The following KIF13B variants were observed in gnomAD, a reference collection of about 807,000 sequenced individuals.
KIF13B encodes the protein kinesin family member 13B.
In KIF13B, 127 loss-of-function variants were observed where a neutral mutation model predicts 222.0. That is an observed-to-expected ratio of 0.57 (90% CI 0.50 to 0.66). KIF13B has a LOEUF of 0.66. Ranked by LOEUF, KIF13B falls within the 30% of genes least tolerant of loss-of-function variation. KIF13B has a pLI of 0.00. For missense variants in KIF13B, 2,173 were observed against 2,379.0 expected, an observed-to-expected ratio of 0.91 and a Z score of 1.80; for synonymous variants, 976 against 919.0, an observed-to-expected ratio of 1.06 and a Z score of -1.12.
At chr8:29,255,824 C>T (rs1271373645) in intron 1 of KIF13B, among the ~76,000 whole-genome samples, 1 of 152,170 alleles carries the variant, frequency 6.6e-6, no homozygotes. Flanking sequence ...ATTCCTGTGA[C>T]ATGTGATTGC....
chr8:29,221,184 C>T (rs1814731298), intron 2 of KIF13B, among the ~76,000 whole-genome samples: 1 of 147,190 alleles, frequency 6.8e-6, no homozygotes, highest in South Asian at 2.1e-4. Flanking sequence ...CTCACTGCAA[C>T]CTCCACCCCC....
At chr8:29,184,807 T>G (rs1162360829) in intron 6 of KIF13B, among the ~76,000 whole-genome samples, 2 of 152,066 alleles carry the variant, frequency 1.3e-5, no homozygotes, top group Admixed American at 6.6e-5. Flanking sequence ...CTGGGCTGGA[T>G]CTCAGAAAAG....
chr8:29,194,064 T>G (rs1166838000), intron 3 of KIF13B, among the ~76,000 whole-genome samples: 1 of 151,704 alleles, frequency 6.6e-6, no homozygotes, highest in East Asian at 1.9e-4. Context: ...GGCCTCATGA[T>G]CCGCTGGCCT....
intron 22 of KIF13B, 92 bp downstream of exon 22, chr8:29,133,948 C>G (rs552715116): frequency 3.5e-4 from 437 of 1,235,576 alleles, no homozygotes; most frequent in Non-Finnish European, 4.8e-4. Flanking sequence ...AGACATATAA[C>G]GGCACATTTA....
At chr8:29,095,767 C>CA (rs1029108817) in intron 36 of KIF13B, among the ~76,000 whole-genome samples, 12 of 151,300 alleles carry the variant, frequency 7.9e-5, no homozygotes, top group Non-Finnish European at 1.2e-4. Context: ...AACTTCATCT[C>CA]AAAAAAACAA....
At chr8:29,245,918 AATTTC>A (rs1303685920) in intron 1 of KIF13B, among the ~76,000 whole-genome samples, 2 of 152,246 alleles carry the variant, frequency 1.3e-5, no homozygotes, top group Admixed American at 6.5e-5. Context: ...TTAAGAAAAC[AATTTC>A]ATTTATAATA....
rs773971616 is a variant in KIF13B, at chr8:29,122,612, C to T, written c.3514G>A (p.Val1172Ile). ...PVPGMETHIPVIFLDLNADDF... is the reference protein window; with the variant it reads ...PVPGMETHIPIIFLDLNADDF... ...TTACCATTTAAGTCCAGGAATATAACAGGAATGTGTGTCTCCATCCCAGGT... is the reference window on the plus strand; with the variant it reads ...TTACCATTTAAGTCCAGGAATATAATAGGAATGTGTGTCTCCATCCCAGGT... Residue 1172 changes from valine (V) to isoleucine (I), a missense_variant, in exon 29 of 40, where the codon GTT becomes ATT. Val to Ile is a conservative substitution (Grantham distance 29, BLOSUM62 3). Transcript: ENST00000524189. 4 of 1,610,280 alleles carry T rather than the reference C, an allele frequency of 2.5e-6. No homozygotes were observed. The highest frequency in any genetic ancestry group is 2.2e-5 in the South Asian group (2 of 89,890).
At chr8:29,125,434 T>C (rs1810065547) in intron 26 of KIF13B, among the ~76,000 whole-genome samples, 1 of 152,172 alleles carries the variant, frequency 6.6e-6, no homozygotes. Context: ...GTGCGATGCA[T>C]CTACTTAAGT....
intron 2 of KIF13B, among the ~76,000 whole-genome samples, chr8:29,242,493 A>C (rs982486560): frequency 2.0e-5 from 3 of 152,374 alleles, no homozygotes; most frequent in Middle Eastern, 3.4e-3. Context: ...AGATTTGGAA[A>C]ATCCCAAGAA....
chr8:29,249,862 T>C (rs1816203961), intron 1 of KIF13B: 2 of 398,122 alleles, frequency 5.0e-6, no homozygotes, highest in African/African-American at 4.2e-5. Flanking sequence ...TGTTCTACCA[T>C]GGTCAACTGG....
Position 29,070,441 on chromosome 8 carries a change from T to A in KIF13B, c.*63A>T. 1 of 1,575,524 alleles carries A rather than the reference T, an allele frequency of 6.3e-7. No individual in the cohort carries two copies. The highest frequency in any genetic ancestry group is 8.6e-7 in the Non-Finnish European group (1 of 1,158,806). On this transcript the variant is annotated 3_prime_UTR_variant, in exon 40 of 40. Transcript: ENST00000524189. The surrounding 1 kb of genome is among the most constrained non-coding windows in gnomAD (Gnocchi z 4.1). ...CACCGGGCTCCTGGCTCCTCAGGGC[T>A]GTCACTGGCAGGGCTCAAAAGGGGC...
intron 13 of KIF13B, 24 bp from the exon 14 acceptor site, chr8:29,155,880 A>G: frequency 6.6e-7 from 1 of 1,515,326 alleles, no homozygotes; most frequent in African/African-American, 1.4e-5. Context: ...AAATTCACTG[A>G]TTAATACTGT....
At chr8:29,235,225 A>C (rs774105558) in intron 2 of KIF13B, among the ~76,000 whole-genome samples, 1 of 152,248 alleles carries the variant, frequency 6.6e-6, no homozygotes, top group Non-Finnish European at 1.5e-5. Context: ...GATTGTCGTC[A>C]AAGTGACAAA....
At chr8:29,102,007 G>C (rs1036323762) in intron 35 of KIF13B, among the ~76,000 whole-genome samples, 1 of 151,504 alleles carries the variant, frequency 6.6e-6, no homozygotes, top group Non-Finnish European at 1.5e-5. Flanking sequence ...CAGGGACAAC[G>C]CAATGACTAT....
intron 2 of KIF13B, among the ~76,000 whole-genome samples, chr8:29,237,958 T>C (rs1239521698): frequency 1.3e-5 from 2 of 152,154 alleles, no homozygotes; most frequent in Non-Finnish European, 2.9e-5. Flanking sequence ...TCTAATAAAA[T>C]TAGCAGGACG....
At chr8:29,082,645 T>C (rs1179587279) in intron 37 of KIF13B, among the ~76,000 whole-genome samples, 1 of 148,408 alleles carries the variant, frequency 6.7e-6, no homozygotes, top group African/African-American at 2.5e-5. Context: ...TCAGAAAAAA[T>C]AAATTAAAAA....
At position 29,253,828 on chromosome 8, in the gene KIF13B, CAAAAAAAAAAAAAAA is replaced by C. The variant is rs1163069689; in HGVS notation, c.56-8404_56-8390del. On this transcript the variant is annotated intron_variant, in intron 1 of 39. Coordinates refer to ENST00000524189, the MANE Select transcript of KIF13B (RefSeq NM_015254.4). ...CTGGGTGAGAAGAGTGAGACTGTCT[CAAAAAAAAAAAAAAA>C]AAAAAAAAAAAACCCGCTTAAGGCA... 2.3e-4 allele frequency among the ~76,000 whole-genome samples: 5 copies of C among 21,560 alleles called. No individual in the cohort carries two copies. In the East Asian group the frequency reaches 4.6e-3, roughly 20 times the overall value. The allele number at this position is 21,560 out of a possible 152,430, so 14.1% of individuals were successfully genotyped here.
intron 24 of KIF13B, 54 bp downstream of exon 24, chr8:29,130,479 T>C (rs1055728696): frequency 1.9e-6 from 3 of 1,582,750 alleles, no homozygotes; most frequent in Admixed American, 3.4e-5. Context: ...AAGAAGCCAA[T>C]ATTAAGCTTT....
chr8:29,231,180 G>A (rs911714749), intron 2 of KIF13B, among the ~76,000 whole-genome samples: 10 of 152,048 alleles, frequency 6.6e-5, no homozygotes, highest in African/African-American at 1.9e-4. Context: ...ACGCCCGGAC[G>A]TGTGACTTAC....
Sources: allele counts gnomAD v4.1 joint callset (sites outside exome capture counted in the v4.1 genomes callset), GRCh38; gene constraint gnomAD v4.1.1; non-coding constraint Gnocchi (gnomAD v3.1); transcripts MANE v1.5; gene names NCBI Gene and HGNC (gene_info 2026-07-23, HGNC 2026-07-21).